Variants in PCDHGA4 observed in about 807,000 individuals in gnomAD.
PCDHGA4 encodes protocadherin gamma subfamily A, 4, also known as protocadherin gamma-A4.
Under a neutral mutation model 54.6 loss-of-function variants are expected in PCDHGA4, and 38 were observed. The observed-to-expected ratio is 0.70, with a 90% CI of 0.54 to 0.91. The LOEUF is 0.91. Ranked by LOEUF, PCDHGA4 falls within the 40% of genes least tolerant of loss-of-function variation. The pLI, the probability that PCDHGA4 is intolerant of heterozygous loss-of-function variation, is 0.00. For missense variants in PCDHGA4, 1,298 were observed against 1,220.9 expected (o/e 1.06, Z -0.94); for synonymous variants, 511 against 512.9 (o/e 1.00, Z 0.05).
At chr5:141,362,229 G>A (rs900469098) in intron 1 of PCDHGA4, 22 of 1,613,912 alleles carry the variant, frequency 1.4e-5, no homozygotes, top group Non-Finnish European at 1.9e-5. Flanking sequence ...CCTTGGCCTT[G>A]ATCTCAGTGC....
intron 1 of PCDHGA4, chr5:141,422,001 C>T (rs2096616874): frequency 6.2e-7 from 1 of 1,609,114 alleles, no homozygotes; most frequent in Non-Finnish European, 8.5e-7. Context: ...ACATCAGCTC[C>T]GGAACTCGGG....
At chr5:141,417,673 C>G in intron 1 of PCDHGA4, 3 of 970,368 alleles carry the variant, frequency 3.1e-6, no homozygotes, top group Non-Finnish European at 2.9e-6. Context: ...CCTGCGCAGC[C>G]AACAACAGAA....
chr5:141,390,104 C>T, intron 1 of PCDHGA4: 1 of 1,614,070 alleles, frequency 6.2e-7, no homozygotes, highest in East Asian at 2.2e-5. Context: ...TTCCCCCCAA[C>T]TACAGCGAGG....
chr5:141,478,049 A>G, intron 1 of PCDHGA4: 2 of 1,614,056 alleles, frequency 1.2e-6, no homozygotes, highest in Middle Eastern at 3.3e-4. Flanking sequence ...GCAGACTCTC[A>G]CGGTCTTGAT....
intron 1 of PCDHGA4, chr5:141,374,993 T>C: frequency 6.2e-7 from 1 of 1,614,056 alleles, no homozygotes; most frequent in Non-Finnish European, 8.5e-7. Flanking sequence ...AATTTCAACT[T>C]CTGCAAATCT....
intron 1 of PCDHGA4, chr5:141,365,395 G>C (rs753717509): frequency 3.7e-6 from 6 of 1,613,978 alleles, no homozygotes; most frequent in Non-Finnish European, 5.1e-6. Flanking sequence ...TGACCAGTTC[G>C]ATCTCTGAAG....
At chr5:141,399,125 T>C in intron 1 of PCDHGA4, 1 of 1,613,834 alleles carries the variant, frequency 6.2e-7, no homozygotes, top group South Asian at 1.1e-5. Context: ...GAAATTAATA[T>C]TCAAGATGAA....
At chr5:141,428,186 CCGCTCTCTGCGCCGCTA>C (rs1167279209) in intron 1 of PCDHGA4, 1 of 1,460,956 alleles carries the variant, frequency 6.8e-7, no homozygotes, top group Admixed American at 1.8e-5. Context: ...AGGACAGCCG[CCGCTCTCTGCGCCGCTA>C]CGCTTCACCT....
Position 141,487,302 on chromosome 5 carries a change from C to T in PCDHGA4, c.2515-7505C>T, listed in dbSNP as rs763268817. 3.7e-6 allele frequency: 6 copies of T among 1,614,154 alleles called. No homozygotes were observed. The highest frequency in any genetic ancestry group is 3.4e-6 in the Non-Finnish European group (4 of 1,180,002). On this transcript the variant is annotated intron_variant, in intron 1 of 3. Transcript: ENST00000571252. This position sits in a 1 kb window ranked among gnomAD's most constrained non-coding sequence, Gnocchi z 5.0. ...TTTGTCTCCTTTGGCTCATTCGTGGCACTACTCTCTAAGTGTCTTCGTGGG... is the reference window on the plus strand; with the variant it reads ...TTTGTCTCCTTTGGCTCATTCGTGGTACTACTCTCTAAGTGTCTTCGTGGG...
chr5:141,374,602 T>C, intron 1 of PCDHGA4: 2 of 1,613,652 alleles, frequency 1.2e-6, no homozygotes, highest in Non-Finnish European at 1.7e-6. Flanking sequence ...TTAAGCTCAG[T>C]GGTAATAGTC....
chr5:141,428,288 A>G (rs1413902705), intron 1 of PCDHGA4: 1 of 728,846 alleles, frequency 1.4e-6, no homozygotes, highest in Middle Eastern at 2.3e-4. Flanking sequence ...TCCCAAGCAA[A>G]GCTGCAGATT....
intron 1 of PCDHGA4, chr5:141,383,971 G>A (rs373869441): frequency 2.5e-6 from 4 of 1,613,544 alleles, no homozygotes; most frequent in African/African-American, 1.3e-5. Context: ...CTCAATCCCT[G>A]AAGACACACC....
At chr5:141,416,119 T>G (rs930613185) in intron 1 of PCDHGA4, 1 of 155,364 alleles carries the variant, frequency 6.4e-6, no homozygotes, top group Admixed American at 6.5e-5. Flanking sequence ...AACTACATTT[T>G]ATATATTTTT....
intron 3 of PCDHGA4, among the ~76,000 whole-genome samples, chr5:141,510,378 C>A (rs919650449): frequency 6.6e-6 from 1 of 151,786 alleles, no homozygotes; most frequent in East Asian, 2.0e-4. Flanking sequence ...TCTACTCGTG[C>A]CAGGCCTTGC....
intron 1 of PCDHGA4, among the ~76,000 whole-genome samples, chr5:141,482,079 C>A (rs2099551704): frequency 8.4e-6 from 1 of 119,308 alleles, no homozygotes; most frequent in African/African-American, 3.8e-5. Context: ...GAACAAAACT[C>A]ACTCCATCTC....
Position 141,425,635 on chromosome 5 carries a change from T to C in PCDHGA4, c.2514+68014T>C, listed in dbSNP as rs376675545. On this transcript the variant is annotated intron_variant, in intron 1 of 3. Coordinates refer to ENST00000571252, the MANE Select transcript of PCDHGA4 (RefSeq NM_018917.4). ...TCAGTGCTCCTCCAGTTTTCTCTGA[T>C]AAAACTAGGAGGAAAATTATCTGCA... Among the ~76,000 whole-genome samples, 51 of 152,354 alleles carry C rather than the reference T, an allele frequency of 3.3e-4. 1 individual carries two copies. The South Asian group carries it at 0.01, about 30-fold the overall frequency.
intron 1 of PCDHGA4, 195 bp downstream of exon 1, chr5:141,357,816 T>G: frequency 2.8e-6 from 2 of 715,180 alleles, no homozygotes; most frequent in African/African-American, 1.8e-5. Flanking sequence ...TTATTACTTA[T>G]CCTTTTTGGT....
Position 141,477,778 on chromosome 5 carries a change from C to T in PCDHGA4, c.2515-17029C>T, listed in dbSNP as rs866423908. On this transcript the variant is annotated intron_variant, in intron 1 of 3. Transcript: ENST00000571252. This position sits in a 1 kb window ranked among gnomAD's most constrained non-coding sequence, Gnocchi z 4.9. ...TCCTAGCCACCAACATCAGCGTGAA[C>T]ATATTTGTCACTGATCGCAATGACA... 2.5e-6 allele frequency: 4 copies of T among 1,614,052 alleles called. No homozygotes were observed. In the African/African-American group the frequency reaches 5.3e-5, roughly 22 times the overall value.
intron 1 of PCDHGA4, among the ~76,000 whole-genome samples, chr5:141,447,023 GT>G (rs5871773): frequency 0.034 from 5,146 of 151,536 alleles, 101 homozygotes; most frequent in Middle Eastern, 0.088. Flanking sequence ...GTTTTGTTTT[GT>G]TTTTTTTCTG....
Sources: allele counts gnomAD v4.1 joint callset (sites outside exome capture counted in the v4.1 genomes callset), GRCh38; gene constraint gnomAD v4.1.1; non-coding constraint Gnocchi (gnomAD v3.1); transcripts MANE v1.5; gene names NCBI Gene and HGNC (gene_info 2026-07-23, HGNC 2026-07-21).